The following CAST variants were observed in gnomAD, a reference collection of about 807,000 sequenced individuals.
CAST encodes MIR583 host.
In CAST, 76 loss-of-function variants were observed where a neutral mutation model predicts 119.6. That is an observed-to-expected ratio of 0.64 (90% CI 0.53 to 0.77). The LOEUF (loss-of-function observed/expected upper bound fraction) is 0.77. Ranked by LOEUF, CAST falls within the 30% of genes least tolerant of loss-of-function variation. CAST has a pLI of 0.00. For synonymous variants in CAST, 319 were observed against 331.6 expected (o/e 0.96, Z 0.41); for missense variants, 953 against 946.5 (o/e 1.01, Z -0.09).
the CAST span, among the ~76,000 whole-genome samples, chr5:96,506,003 G>A: frequency 1.3e-5 from 2 of 152,218 alleles, no homozygotes; most frequent in African/African-American, 4.8e-5. Flanking sequence ...AGAGAAAGAA[G>A]AGATTTTTCC....
At chr5:96,675,773 TA>T (rs917358653) in intron 2 of CAST, 172 bp downstream of exon 2, 6 of 544,320 alleles carry the variant, frequency 1.1e-5, no homozygotes, top group Admixed American at 6.8e-5. Flanking sequence ...TAAAAATAAA[TA>T]AAAAAAATTG....
intron 1 of CAST, among the ~76,000 whole-genome samples, chr5:96,646,083 G>GT (rs1326206488): frequency 2.6e-5 from 4 of 152,076 alleles, no homozygotes; most frequent in Non-Finnish European, 5.9e-5. Context: ...AGGAGGTAAT[G>GT]TTTTTGTCGC....
At chr5:95,961,559 C>G in the CAST span, 1 of 1,568,126 alleles carries the variant, frequency 6.4e-7, no homozygotes, top group Non-Finnish European at 8.6e-7. Context: ...CCCAGCCTGC[C>G]GGCCGGCCCG....
chr5:96,431,800 C>T, the CAST span, among the ~76,000 whole-genome samples: 1 of 152,180 alleles, frequency 6.6e-6, no homozygotes, highest in African/African-American at 2.4e-5. Flanking sequence ...TCAACCACCA[C>T]CTCCAGAAAA....
chr5:96,711,715 A>G (rs780656940), intron 3 of CAST, among the ~76,000 whole-genome samples: 1 of 152,224 alleles, frequency 6.6e-6, no homozygotes, highest in African/African-American at 2.4e-5. Flanking sequence ...AGTAGTTTGT[A>G]TCTAAGTAGT....
the CAST span, among the ~76,000 whole-genome samples, chr5:96,378,401 G>A: frequency 6.6e-6 from 1 of 152,092 alleles, no homozygotes; most frequent in Non-Finnish European, 1.5e-5. Context: ...TAATTAGCTT[G>A]ATTGGGATGA....
the CAST span, among the ~76,000 whole-genome samples, chr5:96,509,879 A>G: frequency 6.6e-6 from 1 of 152,262 alleles, no homozygotes; most frequent in Non-Finnish European, 1.5e-5. Flanking sequence ...CTAAACCAGA[A>G]CAAAGAGATG....
chr5:96,039,962 C>A, the CAST span, among the ~76,000 whole-genome samples: 1 of 152,100 alleles, frequency 6.6e-6, no homozygotes, highest in Non-Finnish European at 1.5e-5. Flanking sequence ...TTACTTTGGG[C>A]AGTAAGGCCA....
At chr5:96,393,090 C>T in the CAST span, 6 of 1,613,990 alleles carry the variant, frequency 3.7e-6, no homozygotes, top group Admixed American at 1.0e-4. Context: ...AAAACATCAA[C>T]ATAGTCATTA....
At chr5:96,050,962 A>AATATATATATAT in the CAST span, among the ~76,000 whole-genome samples, 35 of 152,344 alleles carry the variant, frequency 2.3e-4, no homozygotes, top group East Asian at 6.6e-3. Flanking sequence ...GGACAATGGG[A>AATATATATATAT]ACACAGAATA....
At chr5:96,462,181 A>C in the CAST span, among the ~76,000 whole-genome samples, 3 of 152,008 alleles carry the variant, frequency 2.0e-5, no homozygotes, top group African/African-American at 7.2e-5. Flanking sequence ...TAACAGTGCA[A>C]ATTTTTACAT....
At chr5:96,301,111 A>T in the CAST span, among the ~76,000 whole-genome samples, 1 of 152,192 alleles carries the variant, frequency 6.6e-6, no homozygotes, top group East Asian at 1.9e-4. Context: ...GAGAGGCCTA[A>T]GGAAACTTAG....
chr5:96,734,016 C>T (rs1391981782), intron 9 of CAST, among the ~76,000 whole-genome samples: 1 of 152,144 alleles, frequency 6.6e-6, no homozygotes, highest in Non-Finnish European at 1.5e-5. Flanking sequence ...GAAAGGCCCC[C>T]ACAAGGTGTT....
At chr5:96,343,006 C>T in the CAST span, among the ~76,000 whole-genome samples, 965 of 152,240 alleles carry the variant, frequency 6.3e-3, 10 homozygotes, top group Admixed American at 0.011. Context: ...GGCAATGAAG[C>T]TTACATTTGG....
the CAST span, among the ~76,000 whole-genome samples, chr5:96,339,852 G>A: frequency 6.6e-6 from 1 of 152,126 alleles, no homozygotes; most frequent in African/African-American, 2.4e-5. Context: ...TAAACTGAGT[G>A]TGGCTATCTC....
chr5:96,097,828 T>G, the CAST span, among the ~76,000 whole-genome samples: 1 of 152,232 alleles, frequency 6.6e-6, no homozygotes, highest in Admixed American at 6.5e-5. Flanking sequence ...ATGATTTATA[T>G]TCCTCTGGGT....
the CAST span, among the ~76,000 whole-genome samples, chr5:96,088,312 C>A: frequency 6.6e-6 from 1 of 152,196 alleles, no homozygotes; most frequent in African/African-American, 2.4e-5. Context: ...CCTCGATGCC[C>A]ATCTAAGCCA....
chr5:96,412,000 A>G, the CAST span, among the ~76,000 whole-genome samples: 1 of 152,198 alleles, frequency 6.6e-6, no homozygotes, highest in African/African-American at 2.4e-5. Context: ...AGGTTGCAGA[A>G]CAGTGCAACC....
chr5:96,090,574 G>A, the CAST span, among the ~76,000 whole-genome samples: 1 of 151,948 alleles, frequency 6.6e-6, no homozygotes, highest in Non-Finnish European at 1.5e-5. Flanking sequence ...TTTTCCCCAA[G>A]GTCTCCTGGG....
Sources: allele counts gnomAD v4.1 joint callset (sites outside exome capture counted in the v4.1 genomes callset), GRCh38; gene constraint gnomAD v4.1.1; transcripts MANE v1.5; gene names NCBI Gene and HGNC (gene_info 2026-07-23, HGNC 2026-07-21).